Variants in SZT2 observed in about 807,000 individuals in gnomAD.
SZT2 encodes the protein SZT2 subunit of KICSTOR complex, also known as KICSTOR complex protein SZT2.
In SZT2, 216 loss-of-function variants were observed where a neutral mutation model predicts 404.2. That is an observed-to-expected ratio of 0.53 (90% CI 0.48 to 0.60). The LOEUF (loss-of-function observed/expected upper bound fraction) is 0.60. SZT2 is among the 20% of genes least tolerant of loss of function. SZT2 has a pLI of 0.00. For synonymous variants in SZT2, 1,693 were observed against 1,749.9 expected (o/e 0.97, Z 0.81); for missense variants, 3,857 against 4,459.2 (o/e 0.86, Z 3.85).
chr1:43,398,020 G>A (rs771057137), intron 1 of SZT2, among the ~76,000 whole-genome samples: 7 of 152,146 alleles, frequency 4.6e-5, no homozygotes, highest in Non-Finnish European at 8.8e-5. Context: ...TCCTTATAGT[G>A]CTGACCCACA....
Position 43,450,666 on chromosome 1 carries a change from C to T in SZT2, c.*186C>T. ...CAGCCTGGCAGCAGGAACCGCCCTC[C>T]CCAAACACCCACAGCCACTGACCCA... On this transcript the variant is annotated 3_prime_UTR_variant, in exon 72 of 72. Coordinates refer to ENST00000634258, the MANE Select transcript of SZT2 (RefSeq NM_001365999.1). This position sits in a 1 kb window ranked among gnomAD's most constrained non-coding sequence, Gnocchi z 4.3. 1 of 878,466 alleles carries T rather than the reference C, an allele frequency of 1.1e-6. No homozygotes were observed. Among genetic ancestry groups the T allele is most frequent in the Non-Finnish European group, 1.7e-6 (1 of 571,706 alleles). 54.4% of individuals were successfully genotyped at this position (878,466 alleles called of 1,614,324 possible). A position where few individuals can be genotyped will look rare whatever the true frequency, so the allele number is the denominator to read the frequency against.
chr1:43,393,438 A>G (rs749658631), intron 1 of SZT2, among the ~76,000 whole-genome samples: 38 of 152,352 alleles, frequency 2.5e-4, no homozygotes, highest in Admixed American at 4.6e-4. Context: ...ATAGTTAATA[A>G]TCAGCAGAGC....
At position 43,420,264 on chromosome 1, in the gene SZT2, G is replaced by A. The variant is rs1337938546; in HGVS notation, c.1202G>A (p.Ser401Asn). 2 of 1,598,420 alleles carry A rather than the reference G, an allele frequency of 1.3e-6. No homozygotes were observed. Among genetic ancestry groups the A allele is most frequent in the South Asian group, 2.2e-5 (2 of 91,072 alleles). Residue 401 changes from serine (S) to asparagine (N), a missense_variant, in exon 9 of 72, where the codon AGC becomes AAC. Transcript: ENST00000634258. This position sits in a 1 kb window ranked among gnomAD's most constrained non-coding sequence, Gnocchi z 5.1. Reference protein sequence around the residue: ...TEKEVPADLVSTVSVRLREGY... With the variant: ...TEKEVPADLVNTVSVRLREGY... ...AAGGAGGTGCCAGCCGACTTGGTCA[G>A]CACTGTGTCCGTACGGCTTCGAGAG...
chr1:43,448,630 A>G lies in SZT2; in HGVS notation c.9988A>G (p.Thr3330Ala). 1 of 1,614,116 alleles carries G rather than the reference A, an allele frequency of 6.2e-7. No individual in the cohort carries two copies. The highest frequency in any genetic ancestry group is 8.5e-7 in the Non-Finnish European group (1 of 1,180,012). The change falls in exon 70 of 72, where the codon ACG (threonine) becomes GCG (alanine). Residue 3330 changes from threonine to alanine, a missense_variant. Transcript: ENST00000634258. This position sits in a 1 kb window ranked among gnomAD's most constrained non-coding sequence, Gnocchi z 4.2. ...CCCTCAGGACTGCTTCCTATCCATG[A>G]CGGTCTCCTGGTACCAGAGCCTGAT... ...DPQLDCFLSM[T>A]VSWYQSLIKV...
In SZT2 at chr1:43,439,735, C is replaced by G. The variant is rs751614773; in HGVS notation, c.7008C>G (p.Val2336=). 55 of 1,606,880 alleles carry G rather than the reference C, an allele frequency of 3.4e-5. No individual in the cohort carries two copies. The highest frequency in any genetic ancestry group is 6.0e-6 in the Non-Finnish European group (7 of 1,175,832). ...AGGAATTTGAGCAACTGACCCAGGT[C>G]ATCCGCTGCCCGGTTGTTGTGGACA... ...REEEFEQLTQ[V]IRCPVVVDSS... The change falls in exon 50 of 72, where the codon GTC becomes GTG. Residue 2336 remains valine (V), a synonymous_variant. Coordinates refer to ENST00000634258, the MANE Select transcript of SZT2 (RefSeq NM_001365999.1). The surrounding 1 kb of genome is among the most constrained non-coding windows in gnomAD (Gnocchi z 4.2).
rs896292811 is a variant in SZT2 at position 43,451,426 on chromosome 1, A to G, written c.*946A>G. 2 of 1,612,980 alleles carry G rather than the reference A, an allele frequency of 1.2e-6. No individual in the cohort carries two copies. Among genetic ancestry groups the G allele is most frequent in the African/African-American group, 2.7e-5 (2 of 74,912 alleles). ...ACGCCTCACCTCGAGGCTGATACTC[A>G]CAGCCCACGAAGCCTTTGTAGCCTT... On this transcript the variant is annotated 3_prime_UTR_variant, in exon 72 of 72. Transcript: ENST00000634258.
rs772997069 is a variant in SZT2 at position 43,431,507 on chromosome 1, A to C, written c.5072A>C (p.Glu1691Ala). 19 of 1,614,040 alleles carry C rather than the reference A, an allele frequency of 1.2e-5. 1 individual carries two copies. The Admixed American group carries it at 3.2e-4, about 27-fold the overall frequency. ...NLATPHRLAI[E>A]TTMNEIRWLL... ...GCCACGCCCCACAGACTGGCTATTG[A>C]GACCACCATGAATGAGGTGAGCCCC... The change falls in exon 35 of 72, where the codon GAG becomes GCG. Residue 1691 changes from glutamate (E) to alanine (A), a missense_variant. Physicochemically the swap from Glu to Ala is moderately radical, Grantham distance 107 (BLOSUM62 -1). Around this residue, in one of 7 missense-constraint regions of SZT2, gnomAD observed 1,725 missense variants for 1,881.0 expected, o/e 0.92. Transcript: ENST00000634258.
At chr1:43,447,248 C>T in intron 66 of SZT2, 80 bp downstream of exon 66, 2 of 1,434,706 alleles carry the variant, frequency 1.4e-6, no homozygotes, top group Non-Finnish European at 1.9e-6. Context: ...GTGGGACCAC[C>T]TCCCTGGACA....
chr1:43,418,392 A>G (rs1179428110), intron 7 of SZT2, among the ~76,000 whole-genome samples: 3 of 152,196 alleles, frequency 2.0e-5, no homozygotes, highest in African/African-American at 7.2e-5. Context: ...AAACAGATTG[A>G]GGGATTCTTT....
Position 43,439,905 on chromosome 1 carries a change from G to T in SZT2, c.7067G>T (p.Arg2356Leu), listed in dbSNP as rs749570750. 2.4e-5 allele frequency: 38 copies of T among 1,606,360 alleles called. No individual in the cohort carries two copies. The highest frequency in any genetic ancestry group is 3.1e-5 in the Non-Finnish European group (37 of 1,175,924). Residue 2356 changes from arginine (R) to leucine (L), a missense_variant, in exon 51 of 72, where the codon CGA (arginine) becomes CTA (leucine). Physicochemically the swap from Arg to Leu is moderately radical, Grantham distance 102. Coordinates refer to ENST00000634258, the MANE Select transcript of SZT2 (RefSeq NM_001365999.1). This position sits in a 1 kb window ranked among gnomAD's most constrained non-coding sequence, Gnocchi z 4.2. ...SSAQNGAPRL[R>L]LDVWEKGNIS... Reference sequence around the variant, plus strand: ...GCTCAGAATGGGGCCCCACGGCTTCGATTGGATGTGTGGGAAAAGGGGAAC... The same window carrying T: ...GCTCAGAATGGGGCCCCACGGCTTCTATTGGATGTGTGGGAAAAGGGGAAC...
rs777026513 is a variant in SZT2, at chr1:43,448,690, C to A, written c.10048C>A (p.Arg3350Ser). 6.2e-7 allele frequency: 1 copy of A among 1,614,060 alleles called. No individual in the cohort carries two copies. The highest frequency in any genetic ancestry group is 1.3e-5 in the African/African-American group (1 of 74,914). ...VLLSRFPQSC[R>S]HFQSPDLGTQ... Reference sequence around the variant, plus strand: ...CCTAAGCCGCTTCCCCCAGAGCTGTCGCCATTTCCAAAGCCCAGACTTGGG... The same window carrying A: ...CCTAAGCCGCTTCCCCCAGAGCTGTAGCCATTTCCAAAGCCCAGACTTGGG... Residue 3350 changes from arginine (R) to serine (S), a missense_variant, in exon 70 of 72, where the codon CGC becomes AGC. Around this residue, in one of 7 missense-constraint regions of SZT2, gnomAD observed 717 missense variants for 868.2 expected, o/e 0.83. Coordinates refer to ENST00000634258, the MANE Select transcript of SZT2 (RefSeq NM_001365999.1). This position sits in a 1 kb window ranked among gnomAD's most constrained non-coding sequence, Gnocchi z 4.2.
intron 3 of SZT2, 79 bp downstream of exon 3, chr1:43,403,853 A>G (rs1557513175): frequency 6.7e-7 from 1 of 1,501,310 alleles, no homozygotes; most frequent in Admixed American, 1.7e-5. Context: ...GGGGAAGTGA[A>G]AAATGGTCCC....
Position 43,451,976 on chromosome 1 carries a change from C to CG in SZT2, c.*1499dup. ...CAGGAAGTACTGGGGGTCAGTGATGCGGGTGTTGATGGGCTCCAGCAGTCC... is the reference window on the plus strand; with the variant it reads ...CAGGAAGTACTGGGGGTCAGTGATGCGGGGTGTTGATGGGCTCCAGCAGTCC... On this transcript the variant is annotated 3_prime_UTR_variant, in exon 72 of 72. Transcript: ENST00000634258. The CG allele has an allele frequency of 6.2e-7, 1 of 1,611,196 alleles. No individual in the cohort carries two copies. Among genetic ancestry groups the CG allele is most frequent in the South Asian group, 1.1e-5 (1 of 90,866 alleles).
At chr1:43,405,398 G>A (rs941868790) in intron 4 of SZT2, 1 of 152,138 alleles carries the variant, frequency 6.6e-6, no homozygotes, top group Non-Finnish European at 1.5e-5. Flanking sequence ...CAGCACTCAA[G>A]GAGGCTATCA....
In SZT2 at chr1:43,447,570, C is replaced by A; in HGVS notation, c.9312C>A (p.Leu3104=). The change falls in exon 67 of 72, where the codon CTC becomes CTA. Residue 3104 remains leucine (L), a synonymous_variant. Transcript: ENST00000634258. The part of the protein sequence containing the change: ...YQGTLELPTP[L]IAAHQLYNYV... ...GGACATTGGAGCTCCCCACACCACT[C>A]ATTGCTGCCCACCAGCTATACAACT... 1 of 1,614,168 alleles carries A rather than the reference C, an allele frequency of 6.2e-7. No homozygotes were observed. The highest frequency in any genetic ancestry group is 1.1e-5 in the South Asian group (1 of 91,064).
At position 43,438,757 on chromosome 1, in the gene SZT2, G is replaced by C; in HGVS notation, c.6567G>C (p.Thr2189=). ...TATGTCGGCGCCTGGATGAGGCCAC[G>C]CTGGACGTCATCACAGTTATGCTTG... is the stretch of plus-strand genomic sequence containing the variant. The part of the protein sequence containing the change: ...RVLCRRLDEA[T]LDVITVMLVR... The change falls in exon 47 of 72, where the codon ACG becomes ACC. Residue 2189 remains threonine, a synonymous_variant. Transcript: ENST00000634258. 6.2e-7 allele frequency: 1 copy of C among 1,614,122 alleles called. No homozygotes were observed. Among genetic ancestry groups the C allele is most frequent in the Non-Finnish European group, 8.5e-7 (1 of 1,180,000 alleles).
chr1:43,392,604 C>T (rs1648532580), intron 1 of SZT2, among the ~76,000 whole-genome samples: 2 of 152,086 alleles, frequency 1.3e-5, no homozygotes, highest in Non-Finnish European at 1.5e-5. Context: ...TTAGTAAAGA[C>T]GGGGTTTCAC....
chr1:43,424,701 T>G lies in SZT2; in HGVS notation c.2472-83T>G. 1 of 1,202,436 alleles carries G rather than the reference T, an allele frequency of 8.3e-7. No homozygotes were observed. The highest frequency in any genetic ancestry group is 1.8e-5 in the Admixed American group (1 of 55,104). The allele number at this position is 1,202,436 out of a possible 1,614,324, so 74.5% of individuals were successfully genotyped here. ...TGGCTCCTTGAGGACTGCTGGGAGGTGGGTGTATGTGGGGAGAGCTTGTAG... is the reference window on the plus strand; with the variant it reads ...TGGCTCCTTGAGGACTGCTGGGAGGGGGGTGTATGTGGGGAGAGCTTGTAG... On this transcript the variant is annotated intron_variant, in intron 16 of 71. Transcript: ENST00000634258. This position sits in a 1 kb window ranked among gnomAD's most constrained non-coding sequence, Gnocchi z 4.1.
intron 28 of SZT2, chr1:43,428,773 G>T: frequency 2.5e-6 from 1 of 400,538 alleles, no homozygotes; most frequent in Non-Finnish European, 4.6e-6. Flanking sequence ...GTAGAGACTT[G>T]TTCTGAGGAC....
Sources: gnomAD v4.1 joint callset for allele counts (sites outside exome capture counted in the v4.1 genomes callset) on GRCh38, gnomAD v4.1.1 for gene constraint, gnomAD v4.1.1 regional missense constraint, Gnocchi (gnomAD v3.1) non-coding constraint, MANE v1.5 for transcripts, NCBI Gene and HGNC (gene_info 2026-07-23, HGNC 2026-07-21) for gene names.